LDLRAP1: variants seen among roughly 807,000 people sequenced by gnomAD.
LDLRAP1 encodes low density lipoprotein receptor adaptor protein 1, also known as low density lipoprotein receptor adapter protein 1.
LDLRAP1 carries 30 observed loss-of-function variants against 37.8 expected under a neutral mutation model. The observed-to-expected ratio is 0.79, with a 90% CI of 0.59 to 1.08. LDLRAP1 has a LOEUF of 1.08. Among genes scored for constraint, LDLRAP1 ranks in the 50% least tolerant of loss-of-function variants. The pLI, the probability that LDLRAP1 is intolerant of heterozygous loss-of-function variation, is 0.00. For missense variants in LDLRAP1, 375 were observed against 401.6 expected (o/e 0.93, Z 0.57); for synonymous variants, 156 against 169.8 (o/e 0.92, Z 0.63).
rs536730753 is a variant in LDLRAP1 at position 25,565,813 on chromosome 1, C to T, written c.782+606C>T. The stretch of plus-strand genomic sequence containing the variant: ...GTCAGGGTTCCGAGCCCTGGGTCCC[C>T]GTCTGTCAGGCCTCCCTTTCTCACT... On this transcript the variant is annotated intron_variant, in intron 8 of 8. Coordinates refer to ENST00000374338, the MANE Select transcript of LDLRAP1 (RefSeq NM_015627.3). 8.5e-5 allele frequency among the ~76,000 whole-genome samples: 13 copies of T among 152,262 alleles called. No homozygotes were observed. In the South Asian group the frequency reaches 1.0e-3, roughly 12 times the overall value.
chr1:25,550,699 C>A (rs914879390), intron 1 of LDLRAP1, among the ~76,000 whole-genome samples: 2 of 152,142 alleles, frequency 1.3e-5, no homozygotes, highest in African/African-American at 4.8e-5. Context: ...GCACAGGTCC[C>A]ATCCCTGTCT....
chr1:25,584,715 G>C, the LDLRAP1 span, among the ~76,000 whole-genome samples: 2 of 152,100 alleles, frequency 1.3e-5, no homozygotes, highest in East Asian at 3.9e-4. Flanking sequence ...TCTAGAAGTA[G>C]AGGGATGGGA....
rs764804901 is a variant in LDLRAP1 at position 25,557,260 on chromosome 1, G to A, written c.452G>A (p.Arg151Gln). The change falls in exon 4 of 9, where the codon CGG becomes CAG. Residue 151 changes from arginine (R) to glutamine (Q), a missense_variant. Transcript: ENST00000374338. The stretch of plus-strand genomic sequence containing the variant: ...TGCCACGCCTTCCTCTGCACCAAGC[G>A]GAAGATGGTCAGCGGGGAGGGCTGG... The part of the protein sequence containing the change: ...LECHAFLCTK[R>Q]KMAQAVTLTV... The A allele has an allele frequency of 7.6e-5, 122 of 1,613,546 alleles. No individual in the cohort carries two copies. The highest frequency in any genetic ancestry group is 9.7e-5 in the Non-Finnish European group (115 of 1,179,554).
chr1:25,577,998 G>T, the LDLRAP1 span, among the ~76,000 whole-genome samples: 1 of 152,326 alleles, frequency 6.6e-6, no homozygotes, highest in African/African-American at 2.4e-5. Flanking sequence ...CATCTGGGCT[G>T]GGGACGTAGC....
intron 4 of LDLRAP1, among the ~76,000 whole-genome samples, chr1:25,558,020 C>T (rs1557704240): frequency 6.6e-6 from 1 of 152,132 alleles, no homozygotes; most frequent in South Asian, 2.1e-4. Flanking sequence ...AGCTCCTTGT[C>T]TCATTTCCAG....
chr1:25,557,464 G>A (rs1325769938), intron 4 of LDLRAP1, 197 bp downstream of exon 4: 2 of 602,606 alleles, frequency 3.3e-6, no homozygotes, highest in South Asian at 1.9e-5. Context: ...CAGGTGAACC[G>A]CCGGTCAGCT....
chr1:25,565,690 G>A (rs982921967), intron 8 of LDLRAP1, among the ~76,000 whole-genome samples: 2 of 152,140 alleles, frequency 1.3e-5, no homozygotes, highest in African/African-American at 4.8e-5. Context: ...ATAGCCTTTG[G>A]TGGCATTTCC....
intron 4 of LDLRAP1, 147 bp from the exon 5 acceptor site, chr1:25,562,497 G>A (rs2044365883): frequency 4.3e-6 from 3 of 701,310 alleles, no homozygotes; most frequent in South Asian, 1.6e-5. Flanking sequence ...GCTCTGCCCA[G>A]CAGGCATTCC....
Position 25,553,982 on chromosome 1 carries a change from T to G in LDLRAP1, c.149T>G (p.Leu50Arg), listed in dbSNP as rs1301182863. ...ETLLEGMLFS[L>R]KYLGMTLVEQ... ...CTGCTGGAGGGGATGCTGTTCAGCC[T>G]CAAGTACCTGGGCATGACGCTAGTG... is the stretch of plus-strand genomic sequence containing the variant. The change falls in exon 2 of 9, where the codon CTC (leucine) becomes CGC (arginine). Residue 50 changes from leucine (L) to arginine (R), a missense_variant. Coordinates refer to ENST00000374338, the MANE Select transcript of LDLRAP1 (RefSeq NM_015627.3). 1.2e-6 allele frequency: 2 copies of G among 1,613,984 alleles called. No individual in the cohort carries two copies. The highest frequency in any genetic ancestry group is 1.1e-5 in the South Asian group (1 of 91,072).
intron 4 of LDLRAP1, among the ~76,000 whole-genome samples, chr1:25,559,275 G>A (rs998732927): frequency 5.3e-5 from 8 of 152,156 alleles, no homozygotes; most frequent in African/African-American, 1.7e-4. Context: ...AGCTGGCCCT[G>A]GGTGGGAGGG....
the LDLRAP1 span, among the ~76,000 whole-genome samples, chr1:25,583,302 G>T: frequency 6.7e-6 from 1 of 149,484 alleles, no homozygotes; most frequent in Non-Finnish European, 1.5e-5. Flanking sequence ...TGATTCTCGT[G>T]CCTCAGCCTC....
the LDLRAP1 span, chr1:25,581,847 G>GC: frequency 6.6e-6 from 1 of 152,346 alleles, no homozygotes; most frequent in Non-Finnish European, 1.5e-5. Context: ...GGAGGGGGCA[G>GC]CCCCGTAGGG....
At chr1:25,552,584 G>C (rs921754751) in intron 1 of LDLRAP1, among the ~76,000 whole-genome samples, 2 of 152,230 alleles carry the variant, frequency 1.3e-5, no homozygotes, top group African/African-American at 2.4e-5. Flanking sequence ...GCATCTGTGA[G>C]GGTTTCCTCT....
At chr1:25,560,172 C>T (rs1360915341) in intron 4 of LDLRAP1, among the ~76,000 whole-genome samples, 3 of 152,130 alleles carry the variant, frequency 2.0e-5, no homozygotes, top group Non-Finnish European at 4.4e-5. Context: ...GGTGGTGAGG[C>T]AGCTTCCGTT....
At chr1:25,562,798 TC>T in intron 5 of LDLRAP1, 82 bp downstream of exon 5, 1 of 1,209,800 alleles carries the variant, frequency 8.3e-7, no homozygotes. Context: ...TGGACCGACT[TC>T]CTGCCTCATC....
At chr1:25,546,573 G>C (rs1402161747) in intron 1 of LDLRAP1, among the ~76,000 whole-genome samples, 1 of 152,118 alleles carries the variant, frequency 6.6e-6, no homozygotes, top group East Asian at 1.9e-4. Context: ...CAGCTGCCTG[G>C]AAGAGGGGCT....
chr1:25,568,276 C>T lies in LDLRAP1; in HGVS notation c.*1284C>T, dbSNP rs1057515429. 1.3e-5 allele frequency: 2 copies of T among 152,528 alleles called. No homozygotes were observed. Among genetic ancestry groups the T allele is most frequent in the Admixed American group, 1.3e-4 (2 of 15,288 alleles). The allele number at this position is 152,528 out of a possible 1,614,324, so 9.4% of individuals were successfully genotyped here. A position where few individuals can be genotyped will look rare whatever the true frequency, so the allele number is the denominator to read the frequency against. On this transcript the variant is annotated 3_prime_UTR_variant, in exon 9 of 9. Coordinates refer to ENST00000374338, the MANE Select transcript of LDLRAP1 (RefSeq NM_015627.3). ...GCTCATTCCGAGGGTGAAACAAAATCCAACCCTGTCAGAATCATGCTGTTC... is the reference window on the plus strand; with the variant it reads ...GCTCATTCCGAGGGTGAAACAAAATTCAACCCTGTCAGAATCATGCTGTTC...
At chr1:25,589,976 G>A in the LDLRAP1 span, among the ~76,000 whole-genome samples, 29 of 152,296 alleles carry the variant, frequency 1.9e-4, no homozygotes, top group African/African-American at 7.0e-4. Flanking sequence ...GGTGGCACGC[G>A]CCTGTAGTCC....
the LDLRAP1 span, among the ~76,000 whole-genome samples, chr1:25,577,771 T>A: frequency 6.6e-6 from 1 of 152,210 alleles, no homozygotes; most frequent in Non-Finnish European, 1.5e-5. Context: ...GCAAGTGACC[T>A]GGGCAGGTTA....
Sources: gnomAD v4.1 joint callset for allele counts (sites outside exome capture counted in the v4.1 genomes callset) on GRCh38, gnomAD v4.1.1 for gene constraint, MANE v1.5 for transcripts, NCBI Gene and HGNC (gene_info 2026-07-23, HGNC 2026-07-21) for gene names.